The following YAF2 variants were observed in gnomAD, a reference collection of about 807,000 sequenced individuals.
YAF2 encodes the protein YY1 associated factor 2.
Under a neutral mutation model 20.1 loss-of-function variants are expected in YAF2, and 7 were observed. The observed-to-expected ratio is 0.35, with a 90% CI of 0.20 to 0.65. The LOEUF is 0.65. YAF2 is among the 30% of genes least tolerant of loss of function. The pLI, the probability that YAF2 is intolerant of heterozygous loss-of-function variation, is 0.69. For missense variants in YAF2, 151 were observed against 219.2 expected (o/e 0.69, Z 1.96); for synonymous variants, 74 against 76.0 (o/e 0.97, Z 0.14).
At chr12:42,162,581 G>C (rs1320451621) in intron 2 of YAF2, among the ~76,000 whole-genome samples, 2 of 152,162 alleles carry the variant, frequency 1.3e-5, no homozygotes, top group Non-Finnish European at 2.9e-5. Context: ...GAAGAAGTAA[G>C]ATAAAAATAC....
At chr12:42,175,239 G>A (rs2066149585) in intron 2 of YAF2, among the ~76,000 whole-genome samples, 1 of 152,168 alleles carries the variant, frequency 6.6e-6, no homozygotes, top group South Asian at 2.1e-4. Flanking sequence ...TATGCCGAGT[G>A]AAAGAGATTG....
chr12:42,193,594 C>T lies in YAF2; in HGVS notation c.153-31829G>A, dbSNP rs188232713. 3.7e-3 allele frequency among the ~76,000 whole-genome samples: 557 copies of T among 152,204 alleles called. 1 individual carries two copies. The highest frequency in any genetic ancestry group is 0.017 in the Middle Eastern group (5 of 294). ...TCATTGTTCACTGCAGCTGCCTTGA[C>T]CTCCTGGGCTCAAGTGATCCTCCCA... is the stretch of plus-strand genomic sequence containing the variant. On this transcript the variant is annotated intron_variant, in intron 2 of 3. Coordinates refer to ENST00000534854, the MANE Select transcript of YAF2 (RefSeq NM_005748.6).
chr12:42,228,303 G>T lies in YAF2; in HGVS notation c.152+9296C>A, dbSNP rs1197274641. 4.9e-4 allele frequency among the ~76,000 whole-genome samples: 21 copies of T among 42,714 alleles called. 2 individuals are homozygous for T. The highest frequency in any genetic ancestry group is 7.7e-4 in the Non-Finnish European group (19 of 24,624). 28.0% of individuals were successfully genotyped at this position (42,714 alleles called of 152,430 possible). A position where few individuals can be genotyped will look rare whatever the true frequency, so the allele number is the denominator to read the frequency against. On this transcript the variant is annotated intron_variant, in intron 2 of 3. Transcript: ENST00000534854. ...CCCGTCCGGGAGGGAGGTGGGGGGG[G>T]GTCAGCCCCCCTGCCCGGCCAGCCA... is the stretch of plus-strand genomic sequence containing the variant.
intron 2 of YAF2, among the ~76,000 whole-genome samples, chr12:42,164,254 T>G (rs2065862663): frequency 6.6e-6 from 1 of 152,196 alleles, no homozygotes; most frequent in Non-Finnish European, 1.5e-5. Flanking sequence ...ATAGCCCAAA[T>G]AGAAGGTATA....
At chr12:42,197,101 T>A (rs1259987383) in intron 2 of YAF2, among the ~76,000 whole-genome samples, 1 of 152,220 alleles carries the variant, frequency 6.6e-6, no homozygotes, top group Non-Finnish European at 1.5e-5. Flanking sequence ...ATTAGTGTCA[T>A]GACAACAGAT....
At chr12:42,200,774 C>T (rs2066878413) in intron 2 of YAF2, among the ~76,000 whole-genome samples, 1 of 152,114 alleles carries the variant, frequency 6.6e-6, no homozygotes, top group African/African-American at 2.4e-5. Flanking sequence ...TGAGGTATCT[C>T]AATATTCATA....
At chr12:42,224,372 C>A (rs1325772691) in intron 2 of YAF2, among the ~76,000 whole-genome samples, 2 of 151,882 alleles carry the variant, frequency 1.3e-5, no homozygotes, top group East Asian at 3.9e-4. Context: ...GTGAAGAATA[C>A]AATATATTTC....
chr12:42,210,669 G>A (rs1484923000), intron 2 of YAF2: 1 of 1,535,084 alleles, frequency 6.5e-7, no homozygotes, highest in South Asian at 1.2e-5. Context: ...AAGTGATCCA[G>A]CTTTTTCTTC....
At chr12:42,213,592 T>G (rs953204447) in intron 2 of YAF2, among the ~76,000 whole-genome samples, 1 of 152,336 alleles carries the variant, frequency 6.6e-6, no homozygotes, top group Non-Finnish European at 1.5e-5. Flanking sequence ...TTTTCCTTCC[T>G]TAGGGAAAGT....
chr12:42,214,878 C>A (rs896119353), intron 2 of YAF2, among the ~76,000 whole-genome samples: 1 of 151,948 alleles, frequency 6.6e-6, no homozygotes, highest in African/African-American at 2.4e-5. Context: ...GTGGCAGGCG[C>A]CTGCGGTCCC....
intron 2 of YAF2, chr12:42,235,001 G>T: frequency 1.0e-6 from 1 of 985,046 alleles, no homozygotes; most frequent in Non-Finnish European, 1.2e-6. Context: ...AAAGAAAAAA[G>T]AAAAAAAGAA....
intron 2 of YAF2, chr12:42,234,675 A>C: frequency 9.1e-6 from 9 of 984,888 alleles, no homozygotes; most frequent in Non-Finnish European, 1.1e-5. Flanking sequence ...ATTTAAAGAA[A>C]AAAAATTATA....
At chr12:42,203,760 A>G (rs2066964180) in intron 2 of YAF2, among the ~76,000 whole-genome samples, 1 of 152,150 alleles carries the variant, frequency 6.6e-6, no homozygotes. Context: ...AATGTAATAT[A>G]TTTTCCCTTG....
At chr12:42,179,789 CAAAAAAAA>C (rs71084622) in intron 2 of YAF2, among the ~76,000 whole-genome samples, 2 of 85,132 alleles carry the variant, frequency 2.3e-5, no homozygotes, top group African/African-American at 8.6e-5. Context: ...GTCTAAAAGG[CAAAAAAAA>C]AAAAAAAAAA....
intron 2 of YAF2, among the ~76,000 whole-genome samples, chr12:42,209,485 G>A (rs2067143210): frequency 6.8e-6 from 1 of 146,998 alleles, no homozygotes; most frequent in Admixed American, 7.1e-5. Flanking sequence ...GATGGCTTGT[G>A]CCCAGGAGGC....
chr12:42,170,940 G>A (rs1452890290), intron 2 of YAF2, among the ~76,000 whole-genome samples: 1 of 152,154 alleles, frequency 6.6e-6, no homozygotes, highest in Non-Finnish European at 1.5e-5. Flanking sequence ...GTTGAATGGT[G>A]GGAAGTGGGA....
intron 2 of YAF2, among the ~76,000 whole-genome samples, chr12:42,228,779 G>A (rs1436914567): frequency 6.7e-5 from 4 of 59,570 alleles, no homozygotes; most frequent in Admixed American, 5.2e-4. Context: ...CCCCGTCCGG[G>A]AGGGAGGTTG....
intron 2 of YAF2, among the ~76,000 whole-genome samples, chr12:42,186,207 A>AG (rs1158786876): frequency 6.6e-6 from 1 of 150,560 alleles, no homozygotes; most frequent in Non-Finnish European, 1.5e-5. Context: ...AAAAAAAAAA[A>AG]AAAAGGCTGG....
intron 2 of YAF2, chr12:42,199,473 T>C (rs1223063911): frequency 4.9e-6 from 1 of 204,214 alleles, no homozygotes; most frequent in Admixed American, 5.7e-5. Flanking sequence ...CACACATACA[T>C]GGGACTCCAA....
Sources: gnomAD v4.1 joint callset for allele counts (sites outside exome capture counted in the v4.1 genomes callset) on GRCh38, gnomAD v4.1.1 for gene constraint, MANE v1.5 for transcripts, NCBI Gene and HGNC (gene_info 2026-07-23, HGNC 2026-07-21) for gene names.